Variants in ADGRG2 observed in about 807,000 individuals in gnomAD.
ADGRG2 encodes adhesion G protein-coupled receptor G2.
Under a neutral mutation model 74.1 loss-of-function variants are expected in ADGRG2, and 26 were observed. That is an observed-to-expected ratio of 0.35 (90% CI 0.26 to 0.49). The LOEUF (loss-of-function observed/expected upper bound fraction) is 0.49. Ranked by LOEUF, ADGRG2 falls within the 20% of genes least tolerant of loss-of-function variation. The pLI, the probability that ADGRG2 is intolerant of heterozygous loss-of-function variation, is 0.99. For missense variants in ADGRG2, 619 were observed against 763.1 expected (o/e 0.81, Z 2.22); for synonymous variants, 296 against 295.2 (o/e 1.00, Z -0.03).
chrX:19,000,269 T>C (rs2060103606), intron 24 of ADGRG2, among the ~76,000 whole-genome samples: 1 of 111,854 alleles, frequency 8.9e-6, no homozygotes, highest in Non-Finnish European at 1.9e-5. Context: ...AGTGCTGGGA[T>C]TGCAGGCGTG....
At chrX:19,115,476 G>T in intron 1 of ADGRG2, among the ~76,000 whole-genome samples, 1 of 112,051 alleles carries the variant, frequency 8.9e-6, no homozygotes, top group Non-Finnish European at 1.9e-5. Flanking sequence ...GGGGAGTACG[G>T]TTTTAGAATG....
At chrX:19,012,610 T>C (rs948002595) in intron 16 of ADGRG2, among the ~76,000 whole-genome samples, 1 of 71,392 alleles carries the variant, frequency 1.4e-5, no homozygotes, top group African/African-American at 5.7e-5. Flanking sequence ...CTAGGCAACA[T>C]AGCAAGACCC....
At chrX:19,004,682 G>A (rs1244154043) in intron 23 of ADGRG2, 76 bp downstream of exon 23, 169 of 1,034,504 alleles carry the variant, frequency 1.6e-4, no homozygotes, top group Non-Finnish European at 2.2e-4. Context: ...GCCGAGGAAA[G>A]GGCTTAGTTA....
chrX:18,993,837 C>T (rs1027373765), intron 28 of ADGRG2, among the ~76,000 whole-genome samples: 13 of 111,843 alleles, frequency 1.2e-4, no homozygotes, highest in Non-Finnish European at 1.9e-4. Context: ...CAGGCAAATT[C>T]TCCATGGAAG....
intron 1 of ADGRG2, among the ~76,000 whole-genome samples, chrX:19,121,141 A>C (rs1392220082): frequency 1.8e-5 from 2 of 111,641 alleles, no homozygotes; most frequent in African/African-American, 6.5e-5. Context: ...TTTCATTGAC[A>C]TCTCCAGACC....
At chrX:19,082,855 CT>C (rs1315541534) in intron 1 of ADGRG2, 109 bp from the exon 2 acceptor site, 1 of 112,582 alleles carries the variant, frequency 8.9e-6, no homozygotes, top group East Asian at 2.8e-4. Flanking sequence ...CCGACGCCCC[CT>C]GGGCTCCCTA....
Position 19,068,723 on chromosome X carries a change from G to T in ADGRG2, c.112C>A (p.Leu38Met), listed in dbSNP as rs752122289. The T allele has an allele frequency of 3.1e-6, 3 of 961,826 alleles. No homozygotes were observed. The highest frequency in any genetic ancestry group is 2.5e-5 in the Admixed American group (1 of 40,448). 79.3% of individuals were successfully genotyped at this position (961,826 alleles called of 1,213,427 possible). A position where few individuals can be genotyped will look rare whatever the true frequency, so the allele number is the denominator to read the frequency against. Residue 38 changes from leucine to methionine, a missense_variant, in exon 3 of 29, where the codon CTG (leucine) becomes ATG (methionine). Coordinates refer to ENST00000379869, the MANE Select transcript of ADGRG2 (RefSeq NM_001079858.3). ...ICLHVVLVTS[L>M]EEDTDNSSLS... ...AGAAAAACAGACACATTACCTTCCA[G>T]GGATGTTACCAGAACGACATGAAGA...
At position 19,014,707 on chromosome X, in the gene ADGRG2, A is replaced by G. The variant is rs757753405; in HGVS notation, c.711-633T>C. Among the ~76,000 whole-genome samples, 11 of 111,384 alleles carry G rather than the reference A, an allele frequency of 9.9e-5. No individual in the cohort carries two copies. The South Asian group carries it at 4.2e-3, about 43-fold the overall frequency. The stretch of plus-strand genomic sequence containing the variant: ...GGGTGCAGTGGCGTGATTTTGGGTC[A>G]CTGCAACCTCCGCCTCCTGGGTTCA... On this transcript the variant is annotated intron_variant, in intron 15 of 28. Coordinates refer to ENST00000379869, the MANE Select transcript of ADGRG2 (RefSeq NM_001079858.3).
intron 3 of ADGRG2, among the ~76,000 whole-genome samples, chrX:19,045,813 C>T (rs749697347): frequency 9.0e-6 from 1 of 111,499 alleles, no homozygotes; most frequent in East Asian, 2.8e-4. Context: ...CAATTGTACA[C>T]CCACAGTCTC....
In ADGRG2 at chrX:19,010,595, C is replaced by T; in HGVS notation, c.1265+18G>A. 8.4e-7 allele frequency: 1 copy of T among 1,189,319 alleles called. No individual in the cohort carries two copies. Among genetic ancestry groups the T allele is most frequent in the Non-Finnish European group, 1.1e-6 (1 of 880,373 alleles). ...GGAGGGTCCCCTCTTACCACCACTTCAGTTTGCGAAGTCGTACCTTTGAGC... is the reference window on the plus strand; with the variant it reads ...GGAGGGTCCCCTCTTACCACCACTTTAGTTTGCGAAGTCGTACCTTTGAGC... On this transcript the variant is annotated intron_variant, in intron 17 of 28. Transcript: ENST00000379869.
At chrX:19,065,580 A>C (rs2061556121) in intron 3 of ADGRG2, among the ~76,000 whole-genome samples, 1 of 111,961 alleles carries the variant, frequency 8.9e-6, no homozygotes, top group African/African-American at 3.3e-5. Context: ...ATTTTTCAAA[A>C]AGACATATTT....
chrX:18,994,334 C>T (rs1291046310), intron 28 of ADGRG2, among the ~76,000 whole-genome samples: 2 of 110,843 alleles, frequency 1.8e-5, no homozygotes, highest in African/African-American at 6.6e-5. Context: ...ACTAAAAATA[C>T]AAAAATTAGC....
At position 19,033,639 on chromosome X, in the gene ADGRG2, G is replaced by A. The variant is rs2060873464; in HGVS notation, c.278C>T (p.Thr93Ile). 3.6e-6 allele frequency: 3 copies of A among 829,571 alleles called. No homozygotes were observed. Among genetic ancestry groups the A allele is most frequent in the Admixed American group, 2.5e-5 (1 of 39,343 alleles). The allele number at this position is 829,571 out of a possible 1,213,427, so 68.4% of individuals were successfully genotyped here. A position where few individuals can be genotyped will look rare whatever the true frequency, so the allele number is the denominator to read the frequency against. ...TGATGCATTGAAGGTTTTTACTATAGTGATTTTAGTTTTTTCTGCAAAGAA... is the reference window on the plus strand; with the variant it reads ...TGATGCATTGAAGGTTTTTACTATAATGATTTTAGTTTTTTCTGCAAAGAA... Reference protein sequence around the residue: ...PSNETEKTKITIVKTFNASGV... With the variant: ...PSNETEKTKIIIVKTFNASGV... The change falls in exon 8 of 29, where the codon ACT becomes ATT. Residue 93 changes from threonine (T) to isoleucine (I), a missense_variant. Coordinates refer to ENST00000379869, the MANE Select transcript of ADGRG2 (RefSeq NM_001079858.3).
intron 7 of ADGRG2, chrX:19,035,117 T>C (rs1423955474): frequency 5.4e-5 from 6 of 111,369 alleles, no homozygotes; most frequent in African/African-American, 1.6e-4. Flanking sequence ...GAGAGAAAGA[T>C]TTAATAAGAT....
At chrX:19,046,510 T>C (rs922909131) in intron 3 of ADGRG2, among the ~76,000 whole-genome samples, 4 of 112,756 alleles carry the variant, frequency 3.5e-5, no homozygotes, top group Admixed American at 9.4e-5. Context: ...GTCTTGTTTG[T>C]GGTTGATGTC....
At chrX:19,036,035 T>C (rs2060933403) in intron 6 of ADGRG2, 58 bp from the exon 7 acceptor site, 2 of 566,073 alleles carry the variant, frequency 3.5e-6, no homozygotes, top group East Asian at 7.2e-5. Flanking sequence ...AACATGTGTG[T>C]CTTCCTAGGT....
chrX:19,027,984 G>C (rs2060742055), intron 10 of ADGRG2, among the ~76,000 whole-genome samples, 199 bp downstream of exon 10: 1 of 112,357 alleles, frequency 8.9e-6, no homozygotes, highest in Non-Finnish European at 1.9e-5. Context: ...CTAAAATATA[G>C]TTATTAACAA....
intron 1 of ADGRG2, among the ~76,000 whole-genome samples, chrX:19,091,526 AC>A (rs2062017300): frequency 9.1e-6 from 1 of 109,569 alleles, no homozygotes. Flanking sequence ...ACACACACAC[AC>A]ACACACACAC....
chrX:19,089,140 T>C (rs1376526957), intron 1 of ADGRG2, among the ~76,000 whole-genome samples: 1 of 112,280 alleles, frequency 8.9e-6, no homozygotes, highest in Non-Finnish European at 1.9e-5. Flanking sequence ...AATTTAGTGA[T>C]TTATTAATAA....
Sources: allele counts gnomAD v4.1 joint callset (sites outside exome capture counted in the v4.1 genomes callset), GRCh38; gene constraint gnomAD v4.1.1; transcripts MANE v1.5; gene names NCBI Gene and HGNC (gene_info 2026-07-23, HGNC 2026-07-21).